The following CRB1 variants were observed in gnomAD, a reference collection of about 807,000 sequenced individuals.
The protein encoded by CRB1 is crumbs cell polarity complex component 1.
A neutral mutation model predicts 120.0 loss-of-function variants in CRB1; 83 were observed. That is an observed-to-expected ratio of 0.69 (90% confidence interval 0.58 to 0.83). The LOEUF (loss-of-function observed/expected upper bound fraction) is 0.83, where lower values mean the gene tolerates loss of function less well. Ranked by LOEUF, CRB1 falls within the 40% of genes least tolerant of loss-of-function variation. The probability of loss-of-function intolerance (pLI) is 0.00; values close to 1 mark genes in which losing one functional copy is unlikely to be tolerated. For missense variants in CRB1, 1,699 were observed against 1,687.6 expected (o/e 1.01, Z -0.12); for synonymous variants, 625 against 612.5 (o/e 1.02, Z -0.30).
intron 5 of CRB1, among the ~76,000 whole-genome samples, chr1:197,398,286 C>A (rs1045173569): frequency 2.6e-5 from 4 of 152,086 alleles, no homozygotes; most frequent in African/African-American, 9.7e-5. Context: ...GCTTAGATTC[C>A]CATATTTAGA....
intron 1 of CRB1, among the ~76,000 whole-genome samples, chr1:197,293,895 C>T (rs1656353729): frequency 6.6e-6 from 1 of 152,092 alleles, no homozygotes; most frequent in South Asian, 2.1e-4. Context: ...TTCCTTACAC[C>T]TTATACAAAA....
chr1:197,262,558 G>A, the CRB1 span, among the ~76,000 whole-genome samples: 29 of 151,934 alleles, frequency 1.9e-4, no homozygotes, highest in African/African-American at 4.1e-4. Context: ...TTTAGATACC[G>A]GGGGTAGATG....
chr1:197,328,359 G>T, intron 1 of CRB1, 63 bp from the exon 2 acceptor site: 1 of 1,371,708 alleles, frequency 7.3e-7, no homozygotes, highest in African/African-American at 1.4e-5. Context: ...AGGTCACAAA[G>T]AAAGATTTTT....
Position 197,434,873 on chromosome 1 carries a change from C to T in CRB1, c.3010C>T (p.Gln1004Ter). 6.2e-7 allele frequency: 1 copy of T among 1,613,786 alleles called. No individual in the cohort carries two copies. The highest frequency in any genetic ancestry group is 8.5e-7 in the Non-Finnish European group (1 of 1,179,812). The change falls in exon 9 of 12, where the codon CAA becomes TAA. Residue 1004 changes from glutamine to a stop codon, truncating the protein, a stop_gained. Coordinates refer to ENST00000367400, the MANE Select transcript of CRB1 (RefSeq NM_201253.3). LOFTEE classifies it high-confidence loss of function. ...KEPEFLNISI[Q>*]DSRLFFQLQS... ...GCCTGAATTTCTTAATATTAGCATTCAAGATTCCAGATTATTCTTTCAATT... is the reference window on the plus strand; with the variant it reads ...GCCTGAATTTCTTAATATTAGCATTTAAGATTCCAGATTATTCTTTCAATT...
At chr1:197,357,964 T>C (rs1201009600) in intron 5 of CRB1, 1 of 152,212 alleles carries the variant, frequency 6.6e-6, no homozygotes, top group Non-Finnish European at 1.5e-5. Context: ...AAGTGGTATT[T>C]TCCCTGAACA....
At chr1:197,310,302 C>A (rs368254722) in intron 1 of CRB1, among the ~76,000 whole-genome samples, 6 of 152,106 alleles carry the variant, frequency 3.9e-5, no homozygotes, top group African/African-American at 1.4e-4. Context: ...ATAAAAAAAA[C>A]CCTGACATCT....
intron 11 of CRB1, among the ~76,000 whole-genome samples, chr1:197,457,948 C>T (rs964087612): frequency 3.3e-5 from 5 of 152,084 alleles, no homozygotes; most frequent in African/African-American, 9.7e-5. Context: ...AAGTGCCACA[C>T]TGTGTTTATA....
intron 1 of CRB1, among the ~76,000 whole-genome samples, chr1:197,295,194 T>C (rs528945290): frequency 6.6e-6 from 1 of 152,150 alleles, no homozygotes; most frequent in South Asian, 2.1e-4. Context: ...ATAGAATTGT[T>C]AATCCTTTTT....
intron 11 of CRB1, among the ~76,000 whole-genome samples, chr1:197,460,193 G>A (rs1264734535): frequency 1.3e-5 from 2 of 151,570 alleles, no homozygotes; most frequent in East Asian, 3.9e-4. Context: ...CAAATTCCCT[G>A]GATCAGCATC....
chr1:197,230,966 G>A, the CRB1 span, among the ~76,000 whole-genome samples: 7 of 152,136 alleles, frequency 4.6e-5, no homozygotes, highest in African/African-American at 1.7e-4. Flanking sequence ...TTGTCATGAT[G>A]ATCAAATGCT....
At chr1:197,449,025 T>C (rs911939696) in intron 11 of CRB1, among the ~76,000 whole-genome samples, 1 of 152,234 alleles carries the variant, frequency 6.6e-6, no homozygotes, top group Admixed American at 6.5e-5. Flanking sequence ...GATACACTTA[T>C]AGCTAAGTGA....
At chr1:197,454,769 A>G (rs1366290382) in intron 11 of CRB1, among the ~76,000 whole-genome samples, 1 of 152,178 alleles carries the variant, frequency 6.6e-6, no homozygotes, top group Non-Finnish European at 1.5e-5. Flanking sequence ...TAAAATGATC[A>G]CTGCCTTGGT....
chr1:197,441,777 A>G (rs1190019822), intron 10 of CRB1: 3 of 226,402 alleles, frequency 1.3e-5, no homozygotes, highest in East Asian at 2.2e-4. Flanking sequence ...CAGACTCCAG[A>G]TGGCAAAATA....
chr1:197,353,865 A>C (rs1487430207), intron 4 of CRB1, among the ~76,000 whole-genome samples: 2 of 150,200 alleles, frequency 1.3e-5, no homozygotes, highest in African/African-American at 4.9e-5. Context: ...ACCACGTTAC[A>C]AAACACTTGA....
Position 197,435,129 on chromosome 1 carries a change from A to T in CRB1, c.3266A>T (p.Asn1089Ile). The T allele has an allele frequency of 6.2e-7, 1 of 1,613,926 alleles. No homozygotes were observed. Among genetic ancestry groups the T allele is most frequent in the Non-Finnish European group, 8.5e-7 (1 of 1,179,868 alleles). ...DIYVGDRAID[N>I]IKGLQGCLST... ...TATGTGGGAGACAGAGCTATTGACA[A>T]TATAAAGGGCCTGCAAGGGTGTCTA... is the stretch of plus-strand genomic sequence containing the variant. Residue 1089 changes from asparagine to isoleucine, a missense_variant, in exon 9 of 12, where the codon AAT becomes ATT. Asn to Ile is a moderately radical substitution (Grantham distance 149, BLOSUM62 -3). Coordinates refer to ENST00000367400, the MANE Select transcript of CRB1 (RefSeq NM_201253.3).
chr1:197,386,962 G>A (rs1571447392), intron 5 of CRB1, among the ~76,000 whole-genome samples: 1 of 152,156 alleles, frequency 6.6e-6, no homozygotes, highest in East Asian at 1.9e-4. Flanking sequence ...AATTTCATTT[G>A]TTTACTTTCT....
At chr1:197,229,544 ATCCCG>A in the CRB1 span, among the ~76,000 whole-genome samples, 7 of 152,120 alleles carry the variant, frequency 4.6e-5, no homozygotes, top group Non-Finnish European at 8.8e-5. Flanking sequence ...GGTATGAGTG[ATCCCG>A]TCACCCAGGT....
chr1:197,432,168 A>C (rs922458132), intron 8 of CRB1, among the ~76,000 whole-genome samples: 2 of 152,158 alleles, frequency 1.3e-5, no homozygotes, highest in Non-Finnish European at 2.9e-5. Flanking sequence ...TTTTACCCAG[A>C]TCAGAAGACA....
intron 5 of CRB1, among the ~76,000 whole-genome samples, chr1:197,409,961 T>A (rs536455270): frequency 6.6e-6 from 1 of 152,042 alleles, no homozygotes; most frequent in African/African-American, 2.4e-5. Flanking sequence ...TTTTTTTGTA[T>A]TTTTTAGTAG....
Sources: allele counts gnomAD v4.1 joint callset (sites outside exome capture counted in the v4.1 genomes callset), GRCh38; gene constraint gnomAD v4.1.1; transcripts MANE v1.5; gene names NCBI Gene and HGNC (gene_info 2026-07-23, HGNC 2026-07-21).